RAP1GAP: variants seen among roughly 807,000 people sequenced by gnomAD.
RAP1GAP encodes rap1 GTPase-activating protein 1.
A neutral mutation model predicts 87.2 loss-of-function variants in RAP1GAP; 35 were observed. The ratio of observed to expected loss-of-function variants is 0.40; its 90% CI spans 0.31 to 0.53. The LOEUF is 0.53. Ranked by LOEUF, RAP1GAP falls within the 20% of genes least tolerant of loss-of-function variation. RAP1GAP has a pLI of 0.48. For synonymous variants in RAP1GAP, 375 were observed against 363.9 expected, an observed-to-expected ratio of 1.03 and a Z score of -0.35; for missense variants, 734 against 898.9, an observed-to-expected ratio of 0.82 and a Z score of 2.35.
At chr1:21,664,063 G>T (rs549323866) in intron 1 of RAP1GAP, among the ~76,000 whole-genome samples, 50 of 152,328 alleles carry the variant, frequency 3.3e-4, no homozygotes, top group African/African-American at 1.1e-3. Context: ...AGGCCGGGCG[G>T]CTTGCCTGAG....
intron 2 of RAP1GAP, among the ~76,000 whole-genome samples, chr1:21,646,326 C>T (rs1414462170): frequency 6.6e-6 from 1 of 152,240 alleles, no homozygotes; most frequent in East Asian, 1.9e-4. Context: ...CCTCCCTTAA[C>T]TCATAACCAA....
At chr1:21,627,634 C>T (rs1477019052) in intron 2 of RAP1GAP, among the ~76,000 whole-genome samples, 2 of 151,866 alleles carry the variant, frequency 1.3e-5, no homozygotes, top group African/African-American at 2.4e-5. Context: ...AGGCTGGTCT[C>T]GAACTCCCGA....
chr1:21,644,183 C>T lies in RAP1GAP; in HGVS notation c.-113+5578G>A, dbSNP rs569103210. On this transcript the variant is annotated intron_variant, in intron 2 of 24. Coordinates refer to ENST00000374765, the MANE Select transcript of RAP1GAP (RefSeq NM_002885.4). ...TCCTGGAAGCAGGGCGTCTCTCTGG[C>T]ACTAGGCTCATCCCTGCCTCAGAGC... 2.6e-4 allele frequency among the ~76,000 whole-genome samples: 39 copies of T among 152,324 alleles called. No individual in the cohort carries two copies. In the South Asian group the frequency reaches 7.5e-3, roughly 29 times the overall value.
At position 21,613,061 on chromosome 1, in the gene RAP1GAP, G is replaced by T; in HGVS notation, c.528+115C>A. The stretch of plus-strand genomic sequence containing the variant: ...TGTGGACTTCACAGGGTTATTGTGA[G>T]GATTAAATGAGAGAACCTTGGGAAA... On this transcript the variant is annotated intron_variant, in intron 10 of 24. Transcript: ENST00000374765. This position sits in a 1 kb window ranked among gnomAD's most constrained non-coding sequence, Gnocchi z 4.7. 1 of 1,152,676 alleles carries T rather than the reference G, an allele frequency of 8.7e-7. No individual in the cohort carries two copies. The highest frequency in any genetic ancestry group is 1.3e-6 in the Non-Finnish European group (1 of 778,892). The allele number at this position is 1,152,676 out of a possible 1,614,324, so 71.4% of individuals were successfully genotyped here.
Position 21,608,212 on chromosome 1 carries a change from C to T in RAP1GAP, c.1296+1G>A, listed in dbSNP as rs867687901. ...GGCCAGTTAGACCTGGGGCCCTTCA[C>T]CTTGAAAGACTCAAAGAAGCCGCCG... is the stretch of plus-strand genomic sequence containing the variant. On this transcript the variant is annotated splice_donor_variant, in intron 17 of 24. Coordinates refer to ENST00000374765, the MANE Select transcript of RAP1GAP (RefSeq NM_002885.4). LOFTEE classifies it high-confidence loss of function. 6.2e-7 allele frequency: 1 copy of T among 1,613,840 alleles called. No homozygotes were observed. The highest frequency in any genetic ancestry group is 1.3e-5 in the African/African-American group (1 of 74,928).
intron 2 of RAP1GAP, among the ~76,000 whole-genome samples, chr1:21,627,697 G>C (rs999322235): frequency 2.2e-4 from 34 of 152,054 alleles, no homozygotes; most frequent in African/African-American, 7.7e-4. Context: ...TTATAGGTGT[G>C]AGCCACTGCG....
chr1:21,610,042 C>G lies in RAP1GAP; in HGVS notation c.999+78G>C, dbSNP rs1162266668. Reference sequence around the variant, plus strand: ...CATTATAGCTGGAAAAAGTGAGGCTCAGAGGGGCATCCCAGGGAGGGCAGA... The same window carrying G: ...CATTATAGCTGGAAAAAGTGAGGCTGAGAGGGGCATCCCAGGGAGGGCAGA... On this transcript the variant is annotated intron_variant, in intron 14 of 24. Transcript: ENST00000374765. 3 of 1,522,952 alleles carry G rather than the reference C, an allele frequency of 2.0e-6. No individual in the cohort carries two copies. In the East Asian group the frequency reaches 7.0e-5, roughly 35 times the overall value. The allele number at this position is 1,522,952 out of a possible 1,614,324, so 94.3% of individuals were successfully genotyped here.
intron 7 of RAP1GAP, among the ~76,000 whole-genome samples, chr1:21,616,615 C>T (rs1385191915): frequency 6.6e-6 from 1 of 152,228 alleles, no homozygotes; most frequent in Admixed American, 6.5e-5. Context: ...TGCAACCTGA[C>T]ACACACATTC....
chr1:21,632,857 A>T (rs1367129645), intron 2 of RAP1GAP, among the ~76,000 whole-genome samples: 2 of 152,160 alleles, frequency 1.3e-5, no homozygotes, highest in Non-Finnish European at 2.9e-5. Flanking sequence ...CCATGATGGT[A>T]CCACTGCATT....
chr1:21,633,507 G>C (rs2094165556), intron 2 of RAP1GAP, among the ~76,000 whole-genome samples: 1 of 152,160 alleles, frequency 6.6e-6, no homozygotes, highest in Admixed American at 6.5e-5. Context: ...GGACCATCAA[G>C]GCAAGAAGGC....
chr1:21,639,447 G>A (rs1024437099), intron 2 of RAP1GAP, among the ~76,000 whole-genome samples: 1 of 152,206 alleles, frequency 6.6e-6, no homozygotes, highest in Non-Finnish European at 1.5e-5. Flanking sequence ...AAAGTCAAAC[G>A]GAACTGAGTT....
intron 10 of RAP1GAP, among the ~76,000 whole-genome samples, chr1:21,612,776 C>T (rs535714124): frequency 6.6e-6 from 1 of 152,344 alleles, no homozygotes; most frequent in African/African-American, 2.4e-5. Context: ...CTACCAGCAT[C>T]CGAGCAGGAA....
chr1:21,625,524 G>C (rs1248383417), intron 3 of RAP1GAP, among the ~76,000 whole-genome samples: 1 of 152,174 alleles, frequency 6.6e-6, no homozygotes, highest in Non-Finnish European at 1.5e-5. Context: ...TCCAACCTGA[G>C]TGACTTCGGG....
rs888530751 is a variant in RAP1GAP at position 21,603,469 on chromosome 1, C to T, written c.1429-556G>A. ...GAAGGGGTAGGACCCCAGGTCACTTCGTGGCGGGGAGGAGGAGTCAGGGCA... is the reference window on the plus strand; with the variant it reads ...GAAGGGGTAGGACCCCAGGTCACTTTGTGGCGGGGAGGAGGAGTCAGGGCA... On this transcript the variant is annotated intron_variant, in intron 18 of 24. Coordinates refer to ENST00000374765, the MANE Select transcript of RAP1GAP (RefSeq NM_002885.4). The surrounding 1 kb of genome is among the most constrained non-coding windows in gnomAD (Gnocchi z 6.0). 6 of 588,292 alleles carry T rather than the reference C, an allele frequency of 1.0e-5. No individual in the cohort carries two copies. The highest frequency in any genetic ancestry group is 4.1e-5 in the South Asian group (2 of 49,116). The allele number at this position is 588,292 out of a possible 1,614,324, so 36.4% of individuals were successfully genotyped here.
Position 21,608,892 on chromosome 1 carries a change from A to G in RAP1GAP, c.1116T>C (p.Ala372=). Reference sequence around the variant, plus strand: ...TCTCTGCCTTGTAGCAGGCATATTCAGCATTGATCAGCTTTGTCAGCAAAA... The same window carrying G: ...TCTCTGCCTTGTAGCAGGCATATTCGGCATTGATCAGCTTTGTCAGCAAAA... ...QEFLLTKLIN[A]EYACYKAEKF... is the part of the protein sequence containing the mutation. Residue 372 remains alanine (A), a synonymous_variant, in exon 16 of 25, where the codon GCT becomes GCC. Coordinates refer to ENST00000374765, the MANE Select transcript of RAP1GAP (RefSeq NM_002885.4). 1 of 1,614,106 alleles carries G rather than the reference A, an allele frequency of 6.2e-7. No homozygotes were observed. Among genetic ancestry groups the G allele is most frequent in the South Asian group, 1.1e-5 (1 of 91,080 alleles).
intron 1 of RAP1GAP, chr1:21,667,696 G>A (rs1460719472): frequency 6.6e-6 from 1 of 152,284 alleles, no homozygotes; most frequent in Non-Finnish European, 1.5e-5. Flanking sequence ...CCCATCAAGA[G>A]TCAGAGTACC....
chr1:21,603,366 AG>A lies in RAP1GAP; in HGVS notation c.1429-454del. The A allele has an allele frequency of 2.3e-6, 1 of 437,944 alleles. No individual in the cohort carries two copies. The highest frequency in any genetic ancestry group is 4.1e-6 in the Non-Finnish European group (1 of 245,524). The allele number at this position is 437,944 out of a possible 1,614,324, so 27.1% of individuals were successfully genotyped here. ...GGGAGGTTCTGGCCCAGCAGCTGGA[AG>A]ACTCCCCCAGCTTCCCACACACTGT... is the stretch of plus-strand genomic sequence containing the variant. On this transcript the variant is annotated intron_variant, in intron 18 of 24. Coordinates refer to ENST00000374765, the MANE Select transcript of RAP1GAP (RefSeq NM_002885.4). The surrounding 1 kb of genome is among the most constrained non-coding windows in gnomAD (Gnocchi z 6.0).
intron 19 of RAP1GAP, 59 bp downstream of exon 19, chr1:21,602,745 C>T (rs901191495): frequency 2.0e-5 from 29 of 1,457,700 alleles, no homozygotes; most frequent in Admixed American, 7.5e-5. Context: ...GCTTTGCCAC[C>T]GAATGGGGCT....
chr1:21,620,427 G>A (rs1182275152), intron 3 of RAP1GAP, among the ~76,000 whole-genome samples: 2 of 152,206 alleles, frequency 1.3e-5, no homozygotes, highest in African/African-American at 2.4e-5. Flanking sequence ...CCCGGAAGGG[G>A]GCAAGGCTCA....
Sources: allele counts gnomAD v4.1 joint callset (sites outside exome capture counted in the v4.1 genomes callset), GRCh38; gene constraint gnomAD v4.1.1; non-coding constraint Gnocchi (gnomAD v3.1); transcripts MANE v1.5; gene names NCBI Gene and HGNC (gene_info 2026-07-23, HGNC 2026-07-21).